DLC1: variants seen among roughly 807,000 people sequenced by gnomAD.
The protein encoded by DLC1 is DLC1 Rho GTPase activating protein.
Under a neutral mutation model 140.3 loss-of-function variants are expected in DLC1, and 54 were observed. The observed-to-expected ratio is 0.38, with a 90% CI of 0.31 to 0.48. The LOEUF is 0.48. DLC1 is among the 20% of genes least tolerant of loss of function. The probability of loss-of-function intolerance (pLI) is 0.96; values close to 1 mark genes in which losing one functional copy is unlikely to be tolerated. For missense variants in DLC1, 2,536 were observed against 1,907.0 expected (o/e 1.33, Z -6.14); for synonymous variants, 986 against 728.1 (o/e 1.35, Z -5.70).
At chr8:13,515,558 A>G (rs879933846), upstream of DLC1, 9 of 152,236 alleles carry the variant, frequency 5.9e-5, no homozygotes, top group Admixed American at 4.6e-4. Context: ...AACACTTACA[A>G]CTGCTTCCAT....
At chr8:13,154,589 C>T (rs1824108945) in intron 5 of DLC1, among the ~76,000 whole-genome samples, 1 of 152,204 alleles carries the variant, frequency 6.6e-6, no homozygotes, top group Non-Finnish European at 1.5e-5. Flanking sequence ...CCCTCCACAC[C>T]TCCCGGCAAG....
intron 1 of DLC1, among the ~76,000 whole-genome samples, chr8:13,571,073 G>T (rs1047616639): frequency 1.3e-5 from 2 of 152,166 alleles, no homozygotes; most frequent in African/African-American, 4.8e-5. Flanking sequence ...GCTGAATATT[G>T]ATGTTACCTA....
At chr8:13,462,425 T>TCTGG (rs1799712545) in intron 2 of DLC1, among the ~76,000 whole-genome samples, 1 of 144,050 alleles carries the variant, frequency 6.9e-6, no homozygotes, top group Non-Finnish European at 1.5e-5. Flanking sequence ...TGAGACGGAG[T>TCTGG]CTGGCTGGCT....
intron 5 of DLC1, among the ~76,000 whole-genome samples, chr8:13,197,513 A>C (rs1377070662): frequency 1.3e-5 from 2 of 151,564 alleles, no homozygotes; most frequent in African/African-American, 4.9e-5. Context: ...AGCCCGGCTA[A>C]TTTTTTGTAT....
chr8:13,364,300 C>CTT (rs34178675), intron 4 of DLC1, among the ~76,000 whole-genome samples: 42 of 141,852 alleles, frequency 3.0e-4, no homozygotes, highest in African/African-American at 1.1e-3. Flanking sequence ...GGTAATGAAA[C>CTT]TTTTTTTTTT....
rs537589953 is a variant in DLC1 at position 13,483,953 on chromosome 8, C to T, written c.1023+15096G>A. ...AGAAAAAAGCCAGGTGTGGTAGCAT[C>T]GCCTGTAGTCTAGCTACTAGGGAGG... On this transcript the variant is annotated intron_variant, in intron 2 of 17. Coordinates refer to ENST00000276297, the MANE Select transcript of DLC1 (RefSeq NM_182643.3). Among the ~76,000 whole-genome samples the T allele has an allele frequency of 4.1e-5, 6 of 145,814 alleles. No homozygotes were observed. The South Asian group carries it at 1.3e-3, about 33-fold the overall frequency.
intron 1 of DLC1, among the ~76,000 whole-genome samples, chr8:13,550,984 C>G (rs1473657938): frequency 1.3e-5 from 2 of 151,172 alleles, no homozygotes; most frequent in Non-Finnish European, 1.5e-5. Context: ...TGAGTTTACT[C>G]TACCAATGTG....
chr8:13,175,982 CT>C (rs1825740367), intron 5 of DLC1, among the ~76,000 whole-genome samples: 1 of 152,160 alleles, frequency 6.6e-6, no homozygotes, highest in Non-Finnish European at 1.5e-5. Context: ...TGTAGCACAT[CT>C]TTATTGTAAA....
intron 5 of DLC1, among the ~76,000 whole-genome samples, chr8:13,143,283 G>A (rs750218333): frequency 6.6e-6 from 1 of 152,202 alleles, no homozygotes; most frequent in Non-Finnish European, 1.5e-5. Flanking sequence ...ACTGACCGCT[G>A]TTGTGCTCTG....
chr8:13,304,923 A>G (rs910607137), intron 5 of DLC1: 3 of 1,006,166 alleles, frequency 3.0e-6, no homozygotes, highest in Non-Finnish European at 3.6e-6. Flanking sequence ...CATTAAGAGT[A>G]AAAATAAACC....
intron 4 of DLC1, among the ~76,000 whole-genome samples, chr8:13,307,573 C>G (rs1040669952): frequency 6.6e-6 from 1 of 152,188 alleles, no homozygotes; most frequent in Non-Finnish European, 1.5e-5. Flanking sequence ...AATACATTCG[C>G]TCTTTTGTGA....
intron 1 of DLC1, among the ~76,000 whole-genome samples, chr8:13,580,886 A>G (rs528615034): frequency 9.9e-5 from 15 of 152,154 alleles, no homozygotes; most frequent in Non-Finnish European, 1.6e-4. Context: ...ATTGTTTTCT[A>G]TTGTGATGAG....
chr8:13,393,014 TTATC>T (rs764097847), intron 4 of DLC1, among the ~76,000 whole-genome samples: 3 of 152,186 alleles, frequency 2.0e-5, no homozygotes, highest in African/African-American at 2.4e-5. Flanking sequence ...TATAAACCTA[TTATC>T]TATCTATGTC....
chr8:13,120,356 A>AAAAAAAAAATATATATATATAT, intron 5 of DLC1, among the ~76,000 whole-genome samples: 789 of 60,778 alleles, frequency 0.013, 45 homozygotes, highest in Non-Finnish European at 0.022. Flanking sequence ...AAAAAAAAAA[A>AAAAAAAAAATATATATATATAT]ATATATATAT....
intron 5 of DLC1, among the ~76,000 whole-genome samples, chr8:13,149,567 T>G (rs537432322): frequency 6.6e-6 from 1 of 152,204 alleles, no homozygotes; most frequent in Admixed American, 6.5e-5. Context: ...AGGGTCCTTC[T>G]TCCTGGCTCT....
At chr8:13,350,492 G>A (rs1398139531) in intron 4 of DLC1, among the ~76,000 whole-genome samples, 1 of 152,128 alleles carries the variant, frequency 6.6e-6, no homozygotes, top group Non-Finnish European at 1.5e-5. Context: ...GAGGCAGGTG[G>A]ATCGCTTGAG....
At chr8:13,595,938 A>T (rs937169308) in intron 1 of DLC1, among the ~76,000 whole-genome samples, 9 of 152,014 alleles carry the variant, frequency 5.9e-5, no homozygotes, top group African/African-American at 2.2e-4. Context: ...ACACAAAAGC[A>T]ATCTATACAA....
intron 5 of DLC1, among the ~76,000 whole-genome samples, chr8:13,242,848 T>A (rs1004934864): frequency 6.6e-6 from 1 of 152,138 alleles, no homozygotes; most frequent in South Asian, 2.1e-4. Context: ...TTAGCAATTT[T>A]TTTTTTACCA....
intron 5 of DLC1, 101 bp downstream of exon 5, chr8:13,305,168 T>A (rs1174974342): frequency 2.0e-6 from 3 of 1,469,668 alleles, no homozygotes; most frequent in African/African-American, 2.9e-5. Flanking sequence ...CATATATTCA[T>A]GAGATGTATA....
Sources: allele counts gnomAD v4.1 joint callset (sites outside exome capture counted in the v4.1 genomes callset), GRCh38; gene constraint gnomAD v4.1.1; transcripts MANE v1.5; gene names NCBI Gene and HGNC (gene_info 2026-07-23, HGNC 2026-07-21).